The following LRRC37B variants were observed in gnomAD, a reference collection of about 807,000 sequenced individuals.
LRRC37B encodes leucine rich repeat containing 37B.
In LRRC37B, 28 loss-of-function variants were observed where a neutral mutation model predicts 98.3. The ratio of observed to expected loss-of-function variants is 0.28; its 90% CI spans 0.21 to 0.39. The LOEUF (loss-of-function observed/expected upper bound fraction) is 0.39, where lower values mean the gene tolerates loss of function less well. Among genes scored for constraint, LRRC37B ranks in the 10% least tolerant of loss-of-function variants. The pLI is 1.00. For missense variants in LRRC37B, 938 were observed against 1,182.7 expected, an observed-to-expected ratio of 0.79 and a Z score of 3.03; for synonymous variants, 364 against 442.7, an observed-to-expected ratio of 0.82 and a Z score of 2.23.
intron 6 of LRRC37B, 64 bp from the exon 10 acceptor site, chr17:32,035,501 A>C: frequency 6.7e-7 from 1 of 1,499,676 alleles, no homozygotes; most frequent in Non-Finnish European, 9.2e-7. Flanking sequence ...TCCTTGAATT[A>C]TCTTTTGAAG....
upstream of LRRC37B, chr17:32,020,918 A>AAGGGG: frequency 7.1e-7 from 1 of 1,402,722 alleles, no homozygotes; most frequent in Non-Finnish European, 9.4e-7. Flanking sequence ...CTTCCTCACT[A>AAGGGG]AGGGGAGGGG....
chr17:32,010,127 C>A (rs1490266492), intron 1 of LRRC37B, among the ~76,000 whole-genome samples: 1 of 152,120 alleles, frequency 6.6e-6, no homozygotes, highest in Non-Finnish European at 1.5e-5. Flanking sequence ...CACATTTTTT[C>A]TTTTACAGAT....
At chr17:32,016,158 T>G (rs1376629246), upstream of LRRC37B, among the ~76,000 whole-genome samples, 1 of 152,192 alleles carries the variant, frequency 6.6e-6, no homozygotes, top group Non-Finnish European at 1.5e-5. Flanking sequence ...CCTTCTTGTG[T>G]TACAGAATAC....
rs1193621380 is a variant in LRRC37B, at chr17:32,044,823, G to A, written c.2205-877G>A. ...GAGGGTCACTTGAGCCCAGGGGGTC[G>A]AGGCTGCAGTTAGCTATGATTTTGC... On this transcript the variant is annotated intron_variant, in intron 7 of 11. Transcript: ENST00000327564. Among the ~76,000 whole-genome samples, 15 of 152,320 alleles carry A rather than the reference G, an allele frequency of 9.8e-5. No homozygotes were observed. The East Asian group carries it at 2.9e-3, about 29-fold the overall frequency.
chr17:32,020,711 C>T (rs1312196571), upstream of LRRC37B: 11 of 426,232 alleles, frequency 2.6e-5, no homozygotes, highest in Admixed American at 5.0e-4. Flanking sequence ...GTTGCTCTCC[C>T]CTGAAGGAAG....
intron 7 of LRRC37B, among the ~76,000 whole-genome samples, chr17:32,037,700 ATCT>A (rs1212754602): frequency 6.6e-6 from 1 of 152,224 alleles, no homozygotes; most frequent in African/African-American, 2.4e-5. Context: ...ATGTGCAAAT[ATCT>A]TCTTTACTGT....
Position 32,022,819 on chromosome 17 carries a change from C to A in LRRC37B, c.1754C>A (p.Thr585Asn). 7 of 1,613,668 alleles carry A rather than the reference C, an allele frequency of 4.3e-6. No individual in the cohort carries two copies. The South Asian group carries it at 7.7e-5, about 18-fold the overall frequency. ...CCCGACACCTACAATGGCATCTTCA[C>A]CACCTTGTAAGAATCACCTTTCCTC... Residue 585 changes from threonine (T) to asparagine (N), a missense_variant, in exon 1 of 12, where the codon ACC becomes AAC. This residue lies in a region of LRRC37B where 328 missense variants were observed against 557.0 expected (regional missense o/e 0.59). Transcript: ENST00000327564.
intron 7 of LRRC37B, among the ~76,000 whole-genome samples, chr17:32,038,416 A>G (rs1467981170): frequency 2.6e-5 from 4 of 150,966 alleles, no homozygotes; most frequent in South Asian, 4.2e-4. Flanking sequence ...AGCTGTGATC[A>G]CCACCGCACT....
chr17:32,050,374 T>C (rs1472925977), intron 11 of LRRC37B: 1 of 301,122 alleles, frequency 3.3e-6, no homozygotes, highest in Admixed American at 4.7e-5. Context: ...GCAAAATTTC[T>C]CCCACCCAAA....
chr17:32,011,262 T>C (rs1324413064), intron 1 of LRRC37B, among the ~76,000 whole-genome samples: 2 of 152,236 alleles, frequency 1.3e-5, no homozygotes, highest in African/African-American at 2.4e-5. Flanking sequence ...CCCAAAGTGC[T>C]GGGATTACAG....
chr17:32,053,058 G>A (rs1307243887), intron 11 of LRRC37B: 8 of 558,452 alleles, frequency 1.4e-5, no homozygotes, highest in African/African-American at 5.9e-5. Context: ...GTGTGGGGGC[G>A]ATATCCTAGA....
chr17:32,020,073 G>A (rs576047494), upstream of LRRC37B, among the ~76,000 whole-genome samples: 1 of 152,248 alleles, frequency 6.6e-6, no homozygotes, highest in South Asian at 2.1e-4. Flanking sequence ...TGGAACTTCT[G>A]ACCTCAGTGA....
intron 8 of LRRC37B, among the ~76,000 whole-genome samples, chr17:32,046,575 T>C (rs935363180): frequency 2.6e-5 from 4 of 152,018 alleles, no homozygotes; most frequent in Non-Finnish European, 5.9e-5. Context: ...GTGTTGCTTA[T>C]TTTTCAAAAC....
At chr17:32,044,214 A>G (rs1911517123) in intron 7 of LRRC37B, among the ~76,000 whole-genome samples, 1 of 152,032 alleles carries the variant, frequency 6.6e-6, no homozygotes, top group African/African-American at 2.4e-5. Context: ...CAATAAATTA[A>G]TCAATTATCT....
chr17:32,013,006 G>C (rs1910570277), intron 1 of LRRC37B, among the ~76,000 whole-genome samples: 1 of 151,806 alleles, frequency 6.6e-6, no homozygotes, highest in Admixed American at 6.6e-5. Flanking sequence ...AACAGGGCAA[G>C]ACCCCGTCTT....
intron 8 of LRRC37B, 125 bp from the exon 12 acceptor site, chr17:32,047,636 C>T: frequency 1.4e-6 from 2 of 1,424,264 alleles, no homozygotes; most frequent in Non-Finnish European, 9.8e-7. Flanking sequence ...TGTTTCTCCT[C>T]TCTGAATGGC....
intron 7 of LRRC37B, among the ~76,000 whole-genome samples, chr17:32,043,812 C>CA (rs1285373415): frequency 6.6e-6 from 1 of 152,106 alleles, no homozygotes; most frequent in Non-Finnish European, 1.5e-5. Context: ...ATTGAATACT[C>CA]TTCTGTTTCC....
At chr17:32,037,432 A>AT (rs1157809893) in intron 7 of LRRC37B, among the ~76,000 whole-genome samples, 2 of 151,286 alleles carry the variant, frequency 1.3e-5, no homozygotes, top group African/African-American at 4.9e-5. Flanking sequence ...TGCCCAGCTA[A>AT]TTTTTATATT....
At chr17:32,034,395 A>T (rs1387412863) in intron 5 of LRRC37B, among the ~76,000 whole-genome samples, 2 of 150,246 alleles carry the variant, frequency 1.3e-5, no homozygotes, top group African/African-American at 4.9e-5. Flanking sequence ...CCAGCTACTC[A>T]GGAGGCTGAG....
Sources: allele counts gnomAD v4.1 joint callset (sites outside exome capture counted in the v4.1 genomes callset), GRCh38; gene constraint gnomAD v4.1.1; regional missense constraint gnomAD v4.1.1; transcripts MANE v1.5; gene names NCBI Gene and HGNC (gene_info 2026-07-23, HGNC 2026-07-21).